ZWILCH: variants seen among roughly 807,000 people sequenced by gnomAD.
ZWILCH encodes zwilch kinetochore protein, also known as protein zwilch homolog.
A neutral mutation model predicts 79.9 loss-of-function variants in ZWILCH; 74 were observed. That is an observed-to-expected ratio of 0.93 (90% CI 0.77 to 1.12). The LOEUF (loss-of-function observed/expected upper bound fraction) is 1.12, where lower values mean the gene tolerates loss of function less well. ZWILCH is among the 50% of genes most tolerant of loss of function. The pLI is 0.00. For missense variants in ZWILCH, 694 were observed against 687.5 expected (o/e 1.01, Z -0.11); for synonymous variants, 241 against 228.2 (o/e 1.06, Z -0.51).
intron 15 of ZWILCH, among the ~76,000 whole-genome samples, chr15:66,536,642 G>C (rs547065991): frequency 6.6e-6 from 1 of 152,146 alleles, no homozygotes; most frequent in Non-Finnish European, 1.5e-5. Context: ...CCTCTGGAAG[G>C]AAATGTACCA....
intron 16 of ZWILCH, among the ~76,000 whole-genome samples, chr15:66,538,722 T>G (rs1476727512): frequency 2.6e-5 from 4 of 152,308 alleles, no homozygotes; most frequent in African/African-American, 9.6e-5. Flanking sequence ...CATTTAGCAC[T>G]ATTGCTGTCT....
Position 66,548,661 on chromosome 15 carries a change from T to C in ZWILCH, c.*337T>C. 1.1e-6 allele frequency: 1 copy of C among 896,464 alleles called. No homozygotes were observed. Among genetic ancestry groups the C allele is most frequent in the Non-Finnish European group, 1.9e-6 (1 of 536,474 alleles). The allele number at this position is 896,464 out of a possible 1,614,324, so 55.5% of individuals were successfully genotyped here. A position where few individuals can be genotyped will look rare whatever the true frequency, so the allele number is the denominator to read the frequency against. On this transcript the variant is annotated 3_prime_UTR_variant, in exon 19 of 19. Transcript: ENST00000307897. ...ATGAGAACAGGATCATTTTAGTAAA[T>C]ACAGCTTTATCCCAAAAGCTTTAAC...
chr15:66,546,733 T>C, intron 18 of ZWILCH, 28 bp downstream of exon 18: 1 of 1,301,688 alleles, frequency 7.7e-7, no homozygotes, highest in Non-Finnish European at 1.1e-6. Context: ...TTAGTCTCTT[T>C]GTCAAATACT....
intron 14 of ZWILCH, among the ~76,000 whole-genome samples, chr15:66,535,354 G>A (rs994410372): frequency 2.5e-4 from 38 of 152,088 alleles, no homozygotes; most frequent in African/African-American, 7.7e-4. Context: ...CTGGCGAGAG[G>A]GATTTTTCAG....
In ZWILCH at chr15:66,538,507, G is replaced by A. The variant is rs189644335; in HGVS notation, c.1574+1244G>A. ...AAGCAATTCTCCTGCCTCAGCCTCC[G>A]GAGTAGCTGGGATTACAGGCGCCCA... is the stretch of plus-strand genomic sequence containing the variant. On this transcript the variant is annotated intron_variant, in intron 16 of 18. Coordinates refer to ENST00000307897, the MANE Select transcript of ZWILCH (RefSeq NM_017975.5). 9.6e-4 allele frequency among the ~76,000 whole-genome samples: 145 copies of A among 151,784 alleles called. 1 individual carries two copies. The highest frequency in any genetic ancestry group is 3.4e-3 in the Admixed American group (52 of 15,218).
intron 4 of ZWILCH, 87 bp from the exon 5 acceptor site, chr15:66,518,792 C>A: frequency 7.8e-7 from 1 of 1,276,698 alleles, no homozygotes; most frequent in Non-Finnish European, 1.1e-6. Context: ...GCCTGGGCAA[C>A]AGAGTGAGAC....
intron 14 of ZWILCH, among the ~76,000 whole-genome samples, chr15:66,535,362 C>T (rs1035070137): frequency 5.9e-5 from 9 of 152,088 alleles, no homozygotes; most frequent in Non-Finnish European, 2.9e-5. Context: ...AGGGATTTTT[C>T]AGTTCTATTG....
rs182775542 is a variant in ZWILCH at position 66,514,948 on chromosome 15, C to T, written c.202-578C>T. ...TCATTTTGTGCAAGTTGGAGCACTT[C>T]CTTTTCTGCTTTTAAGGTAGTCTTG... On this transcript the variant is annotated intron_variant, in intron 3 of 18. Transcript: ENST00000307897. Among the ~76,000 whole-genome samples the T allele has an allele frequency of 2.0e-5, 3 of 152,102 alleles. No homozygotes were observed. The East Asian group carries it at 5.8e-4, about 29-fold the overall frequency.
At chr15:66,525,539 A>G (rs1894640748) in intron 8 of ZWILCH, among the ~76,000 whole-genome samples, 1 of 152,092 alleles carries the variant, frequency 6.6e-6, no homozygotes, top group Non-Finnish European at 1.5e-5. Context: ...CATCTTAGTT[A>G]AAATCTTTAC....
At position 66,518,922 on chromosome 15, in the gene ZWILCH, A is replaced by C; in HGVS notation, c.364A>C (p.Thr122Pro). The C allele has an allele frequency of 6.2e-7, 1 of 1,614,152 alleles. No individual in the cohort carries two copies. Among genetic ancestry groups the C allele is most frequent in the Non-Finnish European group, 8.5e-7 (1 of 1,180,016 alleles). Residue 122 changes from threonine (T) to proline (P), a missense_variant, in exon 5 of 19, where the codon ACC becomes CCC. By Grantham distance (38) the Thr-to-Pro change is conservative. Transcript: ENST00000307897. The part of the protein sequence containing the change: ...LYTMAHNPNM[T>P]HLKINLPVTA... ...CACCATGGCTCACAATCCTAATATG[A>C]CCCATTTGAAGATTAATCTGCCAGT...
chr15:66,536,552 C>T (rs1053403871), intron 15 of ZWILCH, among the ~76,000 whole-genome samples: 3 of 152,158 alleles, frequency 2.0e-5, no homozygotes, highest in African/African-American at 7.2e-5. Context: ...TTCTCAGACA[C>T]GGACTGCTGG....
In ZWILCH at chr15:66,546,686, C is replaced by A; in HGVS notation, c.*7C>A. 6.3e-7 allele frequency: 1 copy of A among 1,591,038 alleles called. No homozygotes were observed. Among genetic ancestry groups the A allele is most frequent in the Non-Finnish European group, 8.6e-7 (1 of 1,165,956 alleles). The stretch of plus-strand genomic sequence containing the variant: ...CCAGGTGCATTTCAAGTGAAGTGTG[C>A]TGATGAAGTCCTCTATAAGGTATTT... On this transcript the variant is annotated 3_prime_UTR_variant, in exon 18 of 19. Coordinates refer to ENST00000307897, the MANE Select transcript of ZWILCH (RefSeq NM_017975.5).
Position 66,549,913 on chromosome 15 carries a change from C to T in ZWILCH, c.*1589C>T. 3.8e-6 allele frequency: 2 copies of T among 531,564 alleles called. No homozygotes were observed. The highest frequency in any genetic ancestry group is 4.2e-5 in the South Asian group (1 of 23,646). The allele number at this position is 531,564 out of a possible 1,614,324, so 32.9% of individuals were successfully genotyped here. A position where few individuals can be genotyped will look rare whatever the true frequency, so the allele number is the denominator to read the frequency against. On this transcript the variant is annotated 3_prime_UTR_variant, in exon 19 of 19. Coordinates refer to ENST00000307897, the MANE Select transcript of ZWILCH (RefSeq NM_017975.5). The stretch of plus-strand genomic sequence containing the variant: ...AAATTTGACATTGCTTCAAAGAAAC[C>T]TGATTTTAATCATAAGTAGTTTTGG...
intron 17 of ZWILCH, among the ~76,000 whole-genome samples, chr15:66,541,607 T>G (rs1895194766): frequency 6.6e-6 from 1 of 152,200 alleles, no homozygotes; most frequent in Non-Finnish European, 1.5e-5. Flanking sequence ...TGGTCCATAT[T>G]AGGCAAAGAA....
intron 17 of ZWILCH, among the ~76,000 whole-genome samples, chr15:66,544,181 T>C (rs1459432304): frequency 4.0e-5 from 6 of 150,344 alleles, no homozygotes; most frequent in African/African-American, 1.5e-4. Context: ...TGCTTGAACC[T>C]GGGAAGCAGA....
chr15:66,509,869 A>ATATATATC (rs1555423546), intron 2 of ZWILCH, among the ~76,000 whole-genome samples: 3 of 102,226 alleles, frequency 2.9e-5, no homozygotes, highest in African/African-American at 1.1e-4. Flanking sequence ...ATATATATAT[A>ATATATATC]TCTCTTAAAA....
chr15:66,526,567 C>T (rs1894681189), intron 8 of ZWILCH, among the ~76,000 whole-genome samples: 1 of 151,964 alleles, frequency 6.6e-6, no homozygotes, highest in Admixed American at 6.6e-5. Flanking sequence ...TCACGCCATT[C>T]TCCTGCCTCA....
At chr15:66,537,049 G>A (rs1895036920) in intron 15 of ZWILCH, 119 bp from the exon 16 acceptor site, 5 of 546,522 alleles carry the variant, frequency 9.1e-6, no homozygotes, top group East Asian at 3.2e-5. Flanking sequence ...AAAAGTGTTC[G>A]CTGATGTTTT....
chr15:66,517,511 A>G (rs1894327649), intron 4 of ZWILCH, among the ~76,000 whole-genome samples: 1 of 144,028 alleles, frequency 6.9e-6, no homozygotes, highest in Non-Finnish European at 1.5e-5. Flanking sequence ...TGTAGTGAAG[A>G]TCTGGCACTC....
Sources: gnomAD v4.1 joint callset for allele counts (sites outside exome capture counted in the v4.1 genomes callset) on GRCh38, gnomAD v4.1.1 for gene constraint, MANE v1.5 for transcripts, NCBI Gene and HGNC (gene_info 2026-07-23, HGNC 2026-07-21) for gene names.